VPS33A: variants seen among roughly 807,000 people sequenced by gnomAD.
VPS33A encodes vacuolar protein sorting-associated protein 33A.
A neutral mutation model predicts 71.8 loss-of-function variants in VPS33A; 32 were observed. That is an observed-to-expected ratio of 0.45 (90% CI 0.34 to 0.60). The LOEUF (loss-of-function observed/expected upper bound fraction) is 0.60. VPS33A is among the 20% of genes least tolerant of loss of function. The pLI is 0.02. For synonymous variants in VPS33A, 311 were observed against 292.7 expected (o/e 1.06, Z -0.64); for missense variants, 625 against 748.5 (o/e 0.84, Z 1.92).
At chr12:122,261,484 C>G (rs376856412) in intron 3 of VPS33A, 37 bp from the exon 4 acceptor site, 1 of 1,603,358 alleles carries the variant, frequency 6.2e-7, no homozygotes, top group Non-Finnish European at 8.5e-7. Context: ...TTATGAGCTC[C>G]TAAGAGTCAT....
chr12:122,236,168 G>A (rs2136123415), intron 10 of VPS33A, among the ~76,000 whole-genome samples: 1 of 152,196 alleles, frequency 6.6e-6, no homozygotes, highest in African/African-American at 2.4e-5. Context: ...TTACTTTAAA[G>A]TCAGAATTTA....
At chr12:122,263,009 T>C (rs1206002139) in intron 3 of VPS33A, among the ~76,000 whole-genome samples, 3 of 150,820 alleles carry the variant, frequency 2.0e-5, no homozygotes, top group African/African-American at 7.3e-5. Flanking sequence ...TTTTTTTTTT[T>C]TGAGACGGAG....
chr12:122,231,954 G>A lies in VPS33A; in HGVS notation c.*292C>T, dbSNP rs371968147. On this transcript the variant is annotated 3_prime_UTR_variant, in exon 13 of 13. Coordinates refer to ENST00000267199, the MANE Select transcript of VPS33A (RefSeq NM_022916.6). ...TGCCTGTAGTCCCAGCTACTCAGGA[G>A]GCTGAGGCAGGAGAATTGCTTGAAC... is the stretch of plus-strand genomic sequence containing the variant. 582 of 403,660 alleles carry A rather than the reference G, an allele frequency of 1.4e-3. 2 individuals carry two copies. The highest frequency in any genetic ancestry group is 0.011 in the African/African-American group (531 of 48,676). The allele number at this position is 403,660 out of a possible 1,614,324, so 25.0% of individuals were successfully genotyped here. A position where few individuals can be genotyped will look rare whatever the true frequency, so the allele number is the denominator to read the frequency against.
chr12:122,262,583 C>T (rs1407569129), intron 3 of VPS33A, among the ~76,000 whole-genome samples: 1 of 145,138 alleles, frequency 6.9e-6, no homozygotes, highest in Non-Finnish European at 1.5e-5. Context: ...AGACTGGATG[C>T]TATATTAAAA....
intron 4 of VPS33A, among the ~76,000 whole-genome samples, chr12:122,256,490 C>T (rs1401893744): frequency 1.3e-5 from 2 of 151,894 alleles, no homozygotes; most frequent in Non-Finnish European, 2.9e-5. Context: ...GGGAGAATTG[C>T]TTGAACTGGG....
chr12:122,262,384 T>C (rs1475320684), intron 3 of VPS33A, among the ~76,000 whole-genome samples: 1 of 152,214 alleles, frequency 6.6e-6, no homozygotes, highest in Admixed American at 6.5e-5. Flanking sequence ...TAAAAACAAA[T>C]GGTTCTTCAA....
At chr12:122,260,929 C>G (rs919744420) in intron 4 of VPS33A, among the ~76,000 whole-genome samples, 1 of 152,170 alleles carries the variant, frequency 6.6e-6, no homozygotes, top group African/African-American at 2.4e-5. Context: ...GAGCTGAGAT[C>G]GCGCCACTGC....
At position 122,232,164 on chromosome 12, in the gene VPS33A, A is replaced by G. The variant is rs1207844954; in HGVS notation, c.*82T>C. 6 of 1,315,514 alleles carry G rather than the reference A, an allele frequency of 4.6e-6. No individual in the cohort carries two copies. The Admixed American group carries it at 7.0e-5, about 15-fold the overall frequency. 81.5% of individuals were successfully genotyped at this position (1,315,514 alleles called of 1,614,324 possible). The stretch of plus-strand genomic sequence containing the variant: ...TATTCTGTATTCCCATGTTTCTTCT[A>G]TGGGGTTTTACTTCCTTTCAGCAAT... On this transcript the variant is annotated 3_prime_UTR_variant, in exon 13 of 13. Coordinates refer to ENST00000267199, the MANE Select transcript of VPS33A (RefSeq NM_022916.6).
chr12:122,257,202 G>A (rs1592928583), intron 4 of VPS33A, among the ~76,000 whole-genome samples: 1 of 152,052 alleles, frequency 6.6e-6, no homozygotes, highest in African/African-American at 2.4e-5. Context: ...CGAGGCAGGT[G>A]GATCATCTGA....
At chr12:122,232,652 G>T in intron 12 of VPS33A, 148 bp downstream of exon 12, 1 of 1,126,476 alleles carries the variant, frequency 8.9e-7, no homozygotes, top group Non-Finnish European at 1.2e-6. Flanking sequence ...TCCGATTCGA[G>T]TTCTTACTAC....
At chr12:122,240,440 A>G (rs1472144129) in intron 8 of VPS33A, among the ~76,000 whole-genome samples, 1 of 152,182 alleles carries the variant, frequency 6.6e-6, no homozygotes, top group Non-Finnish European at 1.5e-5. Flanking sequence ...CTGCACTCCT[A>G]AGTTACACTA....
intron 9 of VPS33A, 75 bp downstream of exon 9, chr12:122,239,803 A>G: frequency 1.1e-6 from 1 of 907,300 alleles, no homozygotes; most frequent in Non-Finnish European, 1.7e-6. Flanking sequence ...AATCAAAGCA[A>G]TTGGTTTTCT....
intron 6 of VPS33A, among the ~76,000 whole-genome samples, chr12:122,246,023 C>T (rs1342080115): frequency 1.3e-5 from 2 of 152,180 alleles, no homozygotes; most frequent in African/African-American, 2.4e-5. Context: ...CTGCTCCTGC[C>T]AAGCCAAGTG....
intron 4 of VPS33A, among the ~76,000 whole-genome samples, chr12:122,259,100 A>C (rs1954956317): frequency 6.6e-6 from 1 of 151,758 alleles, no homozygotes; most frequent in African/African-American, 2.4e-5. Context: ...AGTGCAAAAG[A>C]GTTTGGCAGC....
intron 6 of VPS33A, among the ~76,000 whole-genome samples, chr12:122,247,221 G>A (rs2136135026): frequency 6.6e-6 from 1 of 152,170 alleles, no homozygotes. Context: ...GCTACAAGGA[G>A]GCTGGGAATT....
At chr12:122,240,805 A>G (rs761146679) in intron 8 of VPS33A, among the ~76,000 whole-genome samples, 1 of 152,194 alleles carries the variant, frequency 6.6e-6, no homozygotes, top group Non-Finnish European at 1.5e-5. Flanking sequence ...CAGAATATTC[A>G]AGGGAAGAAC....
Position 122,256,136 on chromosome 12 carries a change from G to A in VPS33A, c.484-5037C>T, listed in dbSNP as rs904503168. Among the ~76,000 whole-genome samples the A allele has an allele frequency of 2.6e-5, 4 of 151,942 alleles. 1 individual carries two copies. The highest frequency in any genetic ancestry group is 9.7e-5 in the African/African-American group (4 of 41,308). Reference sequence around the variant, plus strand: ...AATAAGTTTCATTTTTCCCCCTTTTGTGAAAACTGTCAACAAATTAACTCT... The same window carrying A: ...AATAAGTTTCATTTTTCCCCCTTTTATGAAAACTGTCAACAAATTAACTCT... On this transcript the variant is annotated intron_variant, in intron 4 of 12. Transcript: ENST00000267199.
chr12:122,238,801 ACACAC>A (rs1954667170), intron 9 of VPS33A, 77 bp from the exon 10 acceptor site: 3 of 1,200,424 alleles, frequency 2.5e-6, no homozygotes, highest in Non-Finnish European at 3.5e-6. Flanking sequence ...ACACACACAC[ACACAC>A]AATACATGGT....
intron 4 of VPS33A, among the ~76,000 whole-genome samples, chr12:122,261,042 C>T (rs570994969): frequency 4.7e-4 from 72 of 152,280 alleles, no homozygotes; most frequent in Non-Finnish European, 8.8e-4. Flanking sequence ...ATACTTGCAG[C>T]TTTTATAATC....
Sources: gnomAD v4.1 joint callset for allele counts (sites outside exome capture counted in the v4.1 genomes callset) on GRCh38, gnomAD v4.1.1 for gene constraint, MANE v1.5 for transcripts, NCBI Gene and HGNC (gene_info 2026-07-23, HGNC 2026-07-21) for gene names.